Variants in KIF18A observed in about 807,000 individuals in gnomAD.
The protein encoded by KIF18A is kinesin-like protein KIF18A.
Under a neutral mutation model 103.3 loss-of-function variants are expected in KIF18A, and 67 were observed. The ratio of observed to expected loss-of-function variants is 0.65; its 90% confidence interval spans 0.53 to 0.79. The LOEUF (loss-of-function observed/expected upper bound fraction) is 0.79, where lower values mean the gene tolerates loss of function less well. KIF18A is among the 30% of genes least tolerant of loss of function. KIF18A has a pLI of 0.00. For synonymous variants in KIF18A, 367 were observed against 355.5 expected (o/e 1.03, Z -0.36); for missense variants, 1,032 against 1,062.5 (o/e 0.97, Z 0.40).
intron 13 of KIF18A, among the ~76,000 whole-genome samples, chr11:28,057,904 A>G (rs971458799): frequency 2.0e-5 from 3 of 152,232 alleles, no homozygotes; most frequent in Non-Finnish European, 4.4e-5. Context: ...ACCAATAAAC[A>G]TAATAAACTA....
rs1590698981 is a variant in KIF18A, at chr11:28,077,149, C to A, written c.1283G>T (p.Cys428Phe). ...EIERFQEILNCLFQNREEIRQ... is the reference protein window; with the variant it reads ...EIERFQEILNFLFQNREEIRQ... ...AATTTCTTCTCGATTCTGGAACAAG[C>A]AGTTCAGGATTTCTTGAAACCTACC... The change falls in exon 10 of 17, where the codon TGC becomes TTC. Residue 428 changes from cysteine (C) to phenylalanine (F), a missense_variant. Cys to Phe is a radical substitution (Grantham distance 205, BLOSUM62 -2). Transcript: ENST00000263181. The A allele has an allele frequency of 1.3e-6, 2 of 1,574,946 alleles. No homozygotes were observed. The highest frequency in any genetic ancestry group is 1.2e-5 in the South Asian group (1 of 84,392).
intron 13 of KIF18A, among the ~76,000 whole-genome samples, chr11:28,047,039 A>G (rs1287523116): frequency 2.2e-5 from 3 of 138,480 alleles, no homozygotes; most frequent in Non-Finnish European, 3.1e-5. Context: ...GGGCAACAAG[A>G]GCAACACTTC....
chr11:28,084,571 C>A (rs1330271411), intron 7 of KIF18A, 61 bp downstream of exon 7: 4 of 1,328,168 alleles, frequency 3.0e-6, no homozygotes, highest in African/African-American at 1.5e-5. Context: ...ACTTTCATTA[C>A]AATTATAAAA....
chr11:28,042,639 C>T (rs1046515924), intron 13 of KIF18A, among the ~76,000 whole-genome samples: 6 of 151,768 alleles, frequency 4.0e-5, no homozygotes, highest in African/African-American at 7.3e-5. Flanking sequence ...ACACTGGCTG[C>T]TTGAAGAATT....
chr11:28,042,683 G>C (rs1850576769), intron 13 of KIF18A, among the ~76,000 whole-genome samples: 1 of 151,806 alleles, frequency 6.6e-6, no homozygotes, highest in African/African-American at 2.4e-5. Context: ...TGGCACACTT[G>C]AGAAATACCC....
At chr11:28,091,340 T>C in intron 4 of KIF18A, 69 bp downstream of exon 4, 1 of 780,508 alleles carries the variant, frequency 1.3e-6, no homozygotes, top group Non-Finnish European at 2.2e-6. Context: ...AGTAAGTGCA[T>C]GGCTGGTGAA....
chr11:28,092,066 C>T (rs1324349611), intron 3 of KIF18A, among the ~76,000 whole-genome samples: 1 of 152,154 alleles, frequency 6.6e-6, no homozygotes, highest in Non-Finnish European at 1.5e-5. Context: ...CCGCCCACCT[C>T]GGCCTCCCAA....
intron 13 of KIF18A, among the ~76,000 whole-genome samples, chr11:28,036,961 A>G (rs1222810377): frequency 6.6e-6 from 1 of 151,568 alleles, no homozygotes; most frequent in African/African-American, 2.4e-5. Context: ...TTATCAATCA[A>G]TTCCAATAAA....
At chr11:28,039,038 CT>C (rs1322476023) in intron 13 of KIF18A, among the ~76,000 whole-genome samples, 1 of 151,516 alleles carries the variant, frequency 6.6e-6, no homozygotes, top group East Asian at 1.9e-4. Context: ...AGTCAGGAGA[CT>C]TGGATTCTAT....
intron 13 of KIF18A, among the ~76,000 whole-genome samples, chr11:28,052,687 T>C (rs765456399): frequency 2.0e-5 from 3 of 152,144 alleles, no homozygotes; most frequent in Admixed American, 6.6e-5. Context: ...TTAATTTATT[T>C]ACTATATTAT....
At chr11:28,092,253 A>T (rs1274856842) in intron 3 of KIF18A, among the ~76,000 whole-genome samples, 1 of 152,120 alleles carries the variant, frequency 6.6e-6, no homozygotes, top group Non-Finnish European at 1.5e-5. Context: ...CAAACTTTTG[A>T]AATTTTAGAG....
In KIF18A at chr11:28,082,863, T is replaced by A; in HGVS notation, c.1255A>T (p.Ile419Phe). The change falls in exon 9 of 17, where the codon ATC becomes TTC. Residue 419 changes from isoleucine (I) to phenylalanine (F), a missense_variant. Ile to Phe is a conservative substitution (Grantham distance 21). Transcript: ENST00000263181. ...LMISNPQEKE[I>F]ERFQEILNCL... is the part of the protein sequence containing the mutation. ...TCTTAATGTAATGTTTACCTTTCGA[T>A]TTCTTTTTCCTGAGGGTTTGAAATC... 1.3e-6 allele frequency: 2 copies of A among 1,574,176 alleles called. No individual in the cohort carries two copies. Among genetic ancestry groups the A allele is most frequent in the Non-Finnish European group, 1.7e-6 (2 of 1,153,794 alleles).
chr11:28,030,382 C>G (rs1478144743), intron 15 of KIF18A, among the ~76,000 whole-genome samples: 1 of 151,778 alleles, frequency 6.6e-6, no homozygotes, highest in Non-Finnish European at 1.5e-5. Flanking sequence ...TACCATACAT[C>G]TACAACCATC....
In KIF18A at chr11:28,076,989, T is replaced by G. The variant is rs188983536; in HGVS notation, c.1425+18A>C. 1 of 1,294,592 alleles carries G rather than the reference T, an allele frequency of 7.7e-7. No individual in the cohort carries two copies. Among genetic ancestry groups the G allele is most frequent in the Non-Finnish European group, 1.0e-6 (1 of 969,664 alleles). The allele number at this position is 1,294,592 out of a possible 1,614,324, so 80.2% of individuals were successfully genotyped here. ...GTTTTTATACTTTCTAAAATTTAAT[T>G]ATAAAATTGTTAATTACCTTTTCTA... On this transcript the variant is annotated intron_variant, in intron 10 of 16. Transcript: ENST00000263181.
intron 11 of KIF18A, 110 bp downstream of exon 11, chr11:28,069,149 T>A (rs1486964570): frequency 1.3e-6 from 1 of 787,218 alleles, no homozygotes. Flanking sequence ...CTCAGAGTTA[T>A]GAGGCAATAA....
At chr11:28,088,499 T>C (rs1439497268) in intron 6 of KIF18A, 25 bp downstream of exon 6, 1 of 1,576,728 alleles carries the variant, frequency 6.3e-7, no homozygotes, top group East Asian at 2.3e-5. Flanking sequence ...TCAAACTATT[T>C]AACAAATAAA....
At chr11:28,071,888 C>T (rs1459825973) in intron 10 of KIF18A, among the ~76,000 whole-genome samples, 1 of 152,128 alleles carries the variant, frequency 6.6e-6, no homozygotes, top group Non-Finnish European at 1.5e-5. Context: ...TTTGCTTTAG[C>T]ATTTACAGTC....
chr11:28,090,426 G>A (rs1170447378), intron 5 of KIF18A, among the ~76,000 whole-genome samples, 191 bp downstream of exon 5: 1 of 152,072 alleles, frequency 6.6e-6, no homozygotes, highest in African/African-American at 2.4e-5. Context: ...TAGAAATTTT[G>A]TATTTTTGTT....
At chr11:28,061,197 TA>T (rs1178823896) in intron 12 of KIF18A, among the ~76,000 whole-genome samples, 4 of 152,318 alleles carry the variant, frequency 2.6e-5, no homozygotes, top group Non-Finnish European at 5.9e-5. Context: ...TGAAATGTAT[TA>T]TAATCTATTC....
Sources: gnomAD v4.1 joint callset for allele counts (sites outside exome capture counted in the v4.1 genomes callset) on GRCh38, gnomAD v4.1.1 for gene constraint, MANE v1.5 for transcripts, NCBI Gene and HGNC (gene_info 2026-07-23, HGNC 2026-07-21) for gene names.